CFAP58: variants seen among roughly 807,000 people sequenced by gnomAD.
The protein encoded by CFAP58 is cilia and flagella associated protein 58.
Under a neutral mutation model 119.5 loss-of-function variants are expected in CFAP58, and 88 were observed. The ratio of observed to expected loss-of-function variants is 0.74; its 90% confidence interval spans 0.62 to 0.88. The LOEUF (loss-of-function observed/expected upper bound fraction) is 0.88, where lower values mean the gene tolerates loss of function less well. Among genes scored for constraint, CFAP58 ranks in the 40% least tolerant of loss-of-function variants. The pLI is 0.00. For missense variants in CFAP58, 990 were observed against 1,021.2 expected (o/e 0.97, Z 0.42); for synonymous variants, 365 against 366.3 (o/e 1.00, Z 0.04).
At chr10:104,382,284 C>A in intron 9 of CFAP58, 1 of 698,240 alleles carries the variant, frequency 1.4e-6, no homozygotes, top group Non-Finnish European at 2.7e-6. Context: ...GCCGGACATC[C>A]TGGGCAGGAG....
intron 1 of CFAP58, among the ~76,000 whole-genome samples, chr10:104,357,840 CAT>C (rs1297406367): frequency 1.4e-5 from 1 of 71,122 alleles, no homozygotes; most frequent in Non-Finnish European, 3.1e-5. Context: ...TATATGTACA[CAT>C]ATGTACACAT....
At chr10:104,441,096 A>G (rs539357090) in intron 15 of CFAP58, among the ~76,000 whole-genome samples, 1 of 152,284 alleles carries the variant, frequency 6.6e-6, no homozygotes, top group African/African-American at 2.4e-5. Context: ...TCTGCCTCCC[A>G]GGTTCAAGTG....
chr10:104,393,671 G>T (rs1170871411), intron 11 of CFAP58, among the ~76,000 whole-genome samples, 196 bp downstream of exon 11: 1 of 152,170 alleles, frequency 6.6e-6, no homozygotes, highest in Non-Finnish European at 1.5e-5. Flanking sequence ...GCTCCTTACA[G>T]GTAGTGCTGC....
At chr10:104,412,948 GT>G (rs1177267951) in intron 15 of CFAP58, among the ~76,000 whole-genome samples, 1 of 152,126 alleles carries the variant, frequency 6.6e-6, no homozygotes, top group Non-Finnish European at 1.5e-5. Context: ...CTTGGTACAC[GT>G]TCCCGTAACT....
At chr10:104,409,091 C>G (rs1427653684) in intron 15 of CFAP58, among the ~76,000 whole-genome samples, 1 of 83,168 alleles carries the variant, frequency 1.2e-5, no homozygotes, top group Non-Finnish European at 2.3e-5. Context: ...CAGTGTGAGA[C>G]CCCGTCTCAT....
intron 15 of CFAP58, among the ~76,000 whole-genome samples, chr10:104,415,886 G>T (rs2012544106): frequency 6.6e-6 from 1 of 152,202 alleles, no homozygotes; most frequent in Non-Finnish European, 1.5e-5. Context: ...ACTGTATGTA[G>T]TTCACACCCT....
At chr10:104,379,497 G>A (rs147206599) in intron 8 of CFAP58, among the ~76,000 whole-genome samples, 142 of 152,214 alleles carry the variant, frequency 9.3e-4, no homozygotes, top group African/African-American at 3.3e-3. Flanking sequence ...TTTTGCTTTC[G>A]TTTTGAGTAT....
chr10:104,448,533 G>A (rs1013961307), intron 16 of CFAP58, among the ~76,000 whole-genome samples: 2 of 152,242 alleles, frequency 1.3e-5, no homozygotes, highest in Admixed American at 6.5e-5. Flanking sequence ...TACACACACA[G>A]CCACAGGATG....
intron 6 of CFAP58, among the ~76,000 whole-genome samples, chr10:104,369,262 C>G (rs1305979013): frequency 3.3e-5 from 5 of 152,112 alleles, no homozygotes; most frequent in Non-Finnish European, 7.4e-5. Flanking sequence ...GGGCAGAGAA[C>G]CATAACATTT....
At chr10:104,370,798 G>T in intron 6 of CFAP58, 97 bp from the exon 7 acceptor site, 1 of 1,116,214 alleles carries the variant, frequency 9.0e-7, no homozygotes, top group Non-Finnish European at 1.2e-6. Flanking sequence ...AAATGCCATG[G>T]GAAGAATTTC....
intron 15 of CFAP58, among the ~76,000 whole-genome samples, chr10:104,414,342 G>A (rs536417106): frequency 6.6e-6 from 1 of 152,316 alleles, no homozygotes; most frequent in East Asian, 1.9e-4. Context: ...AAGGCTTGGG[G>A]GAGAAGGAGA....
chr10:104,354,031 C>G (rs750242346), intron 1 of CFAP58, 125 bp downstream of exon 1: 1 of 1,205,710 alleles, frequency 8.3e-7, no homozygotes, highest in Non-Finnish European at 1.2e-6. Flanking sequence ...TCCCCTGCAC[C>G]CTCACTCACT....
intron 1 of CFAP58, among the ~76,000 whole-genome samples, chr10:104,357,848 CACATAT>C (rs1564875556): frequency 2.0e-4 from 10 of 50,006 alleles, no homozygotes; most frequent in African/African-American, 6.7e-4. Flanking sequence ...CACATATGTA[CACATAT>C]ATACACATAT....
chr10:104,418,495 C>A lies in CFAP58; in HGVS notation c.2256+11702C>A, dbSNP rs549230942. ...CCCAGGAGGCGGAGCTTGCAGTGAG[C>A]CAAGATAGAGCCACTGCAGTCCGGC... On this transcript the variant is annotated intron_variant, in intron 15 of 17. Transcript: ENST00000369704. Among the ~76,000 whole-genome samples, 33 of 152,282 alleles carry A rather than the reference C, an allele frequency of 2.2e-4. No individual in the cohort carries two copies. In the East Asian group the frequency reaches 5.8e-3, roughly 27 times the overall value.
At chr10:104,391,931 G>T (rs11192035) in intron 9 of CFAP58, among the ~76,000 whole-genome samples, 24,367 of 151,982 alleles carry the variant, frequency 0.16, 2,101 homozygotes, top group Middle Eastern at 0.32. Flanking sequence ...TGGGGGTAGG[G>T]TGGTCGGGAG....
intron 9 of CFAP58, chr10:104,382,273 TG>T: frequency 1.4e-6 from 1 of 704,528 alleles, no homozygotes; most frequent in South Asian, 1.5e-5. Flanking sequence ...CACAGGGCTG[TG>T]CCGGACATCC....
At chr10:104,438,468 C>T (rs1283895850) in intron 15 of CFAP58, among the ~76,000 whole-genome samples, 1 of 150,126 alleles carries the variant, frequency 6.7e-6, no homozygotes, top group Non-Finnish European at 1.5e-5. Flanking sequence ...CTCCGCTTCC[C>T]GGGTTCACGC....
At chr10:104,369,859 T>C (rs2014799600) in intron 6 of CFAP58, among the ~76,000 whole-genome samples, 1 of 152,236 alleles carries the variant, frequency 6.6e-6, no homozygotes, top group Non-Finnish European at 1.5e-5. Context: ...CAGTCACTTC[T>C]AATGGCAAAA....
At chr10:104,436,366 C>G (rs2012933997) in intron 15 of CFAP58, among the ~76,000 whole-genome samples, 1 of 152,136 alleles carries the variant, frequency 6.6e-6, no homozygotes, top group Non-Finnish European at 1.5e-5. Context: ...GCTGTTCTTG[C>G]ATTGCTATGA....
Sources: gnomAD v4.1 joint callset for allele counts (sites outside exome capture counted in the v4.1 genomes callset) on GRCh38, gnomAD v4.1.1 for gene constraint, MANE v1.5 for transcripts, NCBI Gene and HGNC (gene_info 2026-07-23, HGNC 2026-07-21) for gene names.